The following HYDIN variants were observed in gnomAD, a reference collection of about 807,000 sequenced individuals.
HYDIN encodes the protein HYDIN axonemal central pair apparatus protein, also known as axonemal central pair apparatus protein HYDIN.
Under a neutral mutation model 403.9 loss-of-function variants are expected in HYDIN, and 132 were observed. That is an observed-to-expected ratio of 0.33 (90% CI 0.28 to 0.38). The LOEUF is 0.38. Among genes scored for constraint, HYDIN ranks in the 10% least tolerant of loss-of-function variants. The probability of loss-of-function intolerance (pLI) is 1.00; values close to 1 mark genes in which losing one functional copy is unlikely to be tolerated. For synonymous variants in HYDIN, 1,202 were observed against 1,891.7 expected, an observed-to-expected ratio of 0.64 and a Z score of 9.46; for missense variants, 2,827 against 5,009.5, an observed-to-expected ratio of 0.56 and a Z score of 13.15.
chr16:71,043,185 G>T (rs1275207853), intron 18 of HYDIN, among the ~76,000 whole-genome samples: 15 of 149,876 alleles, frequency 1.0e-4, no homozygotes, highest in African/African-American at 3.7e-4. Flanking sequence ...TTTTGGTTTT[G>T]ACCATGATTT....
intron 17 of HYDIN, 109 bp from the exon 18 acceptor site, chr16:71,060,765 G>A: frequency 1.3e-6 from 1 of 747,538 alleles, no homozygotes; most frequent in East Asian, 2.7e-5. Context: ...TATGAGAACT[G>A]GCACCCCTTC....
At chr16:71,229,889 C>T (rs533957878) in intron 1 of HYDIN, among the ~76,000 whole-genome samples, 104 of 152,292 alleles carry the variant, frequency 6.8e-4, no homozygotes, top group African/African-American at 2.0e-3. Context: ...ATAATCCCCA[C>T]GTGTCATGGG....
chr16:70,895,090 T>C (rs1316359862), intron 54 of HYDIN, among the ~76,000 whole-genome samples: 2 of 148,810 alleles, frequency 1.3e-5, no homozygotes, highest in Non-Finnish European at 3.0e-5. Flanking sequence ...TCTTTGTACA[T>C]GAGACTCATG....
intron 11 of HYDIN, among the ~76,000 whole-genome samples, chr16:71,089,584 A>G (rs1222435625): frequency 7.9e-5 from 12 of 152,344 alleles, no homozygotes; most frequent in African/African-American, 2.6e-4. Context: ...ATGCAGACAG[A>G]GGTCAGGAGA....
In HYDIN at chr16:70,923,632, C is replaced by T. The variant is rs2077063981; in HGVS notation, c.7159-2415G>A. Among the ~76,000 whole-genome samples the T allele has an allele frequency of 6.6e-5, 7 of 105,844 alleles. No individual in the cohort carries two copies. In the South Asian group the frequency reaches 2.4e-3, roughly 36 times the overall value. The allele number at this position is 105,844 out of a possible 152,430, so 69.4% of individuals were successfully genotyped here. ...CCTGGCTAACACGGTGAAACCCCGT[C>T]TCTACTAAAAAATACAAAAAAAAAA... is the stretch of plus-strand genomic sequence containing the variant. On this transcript the variant is annotated intron_variant, in intron 45 of 85. Transcript: ENST00000393567.
chr16:70,886,869 T>C (rs569258903), intron 58 of HYDIN, among the ~76,000 whole-genome samples: 1 of 152,298 alleles, frequency 6.6e-6, no homozygotes, highest in East Asian at 1.9e-4. Flanking sequence ...TGTGTGTTGG[T>C]AAGGATTTCT....
At chr16:71,074,193 C>A (rs1286844498) in intron 13 of HYDIN, among the ~76,000 whole-genome samples, 1 of 151,804 alleles carries the variant, frequency 6.6e-6, no homozygotes, top group East Asian at 1.9e-4. Flanking sequence ...TTAAACCCCA[C>A]ATAATATGTC....
intron 30 of HYDIN, among the ~76,000 whole-genome samples, chr16:70,976,732 A>C (rs2078899087): frequency 6.6e-6 from 1 of 152,188 alleles, no homozygotes; most frequent in African/African-American, 2.4e-5. Context: ...TCCATTTTGT[A>C]TATAATAAAT....
At chr16:70,971,237 C>G (rs1370050177) in intron 35 of HYDIN, among the ~76,000 whole-genome samples, 1 of 152,224 alleles carries the variant, frequency 6.6e-6, no homozygotes, top group African/African-American at 2.4e-5. Flanking sequence ...GGTAAAAAGA[C>G]CCCAGCTCCC....
chr16:71,045,145 G>A (rs538141308), intron 18 of HYDIN, among the ~76,000 whole-genome samples: 182 of 152,210 alleles, frequency 1.2e-3, no homozygotes, highest in Non-Finnish European at 2.1e-3. Context: ...TCTTTAGAAA[G>A]CTACTTTTAA....
At chr16:70,981,090 A>C (rs1361825673) in intron 29 of HYDIN, among the ~76,000 whole-genome samples, 4 of 151,920 alleles carry the variant, frequency 2.6e-5, no homozygotes, top group African/African-American at 9.7e-5. Context: ...GCTCGGGGAA[A>C]GACTGGGGCC....
intron 5 of HYDIN, among the ~76,000 whole-genome samples, chr16:71,175,238 TA>T (rs2144638698): frequency 6.6e-6 from 1 of 150,766 alleles, no homozygotes; most frequent in South Asian, 2.1e-4. Flanking sequence ...ACCATACTAC[TA>T]ATACCAATAC....
At position 70,874,801 on chromosome 16, in the gene HYDIN, C is replaced by A. The variant is rs1173174544; in HGVS notation, c.10660+16G>T. On this transcript the variant is annotated intron_variant, in intron 63 of 85. Transcript: ENST00000393567. ...TGAGATCCATTGCCCTCTAGAAGCACCCTCCCCACACTTACCTTTTACATG... is the reference window on the plus strand; with the variant it reads ...TGAGATCCATTGCCCTCTAGAAGCAACCTCCCCACACTTACCTTTTACATG... The A allele has an allele frequency of 6.2e-7, 1 of 1,610,130 alleles. No homozygotes were observed. The highest frequency in any genetic ancestry group is 8.5e-7 in the Non-Finnish European group (1 of 1,178,114).
chr16:71,176,678 T>C (rs140226198), intron 4 of HYDIN, among the ~76,000 whole-genome samples: 226 of 152,278 alleles, frequency 1.5e-3, no homozygotes, highest in African/African-American at 5.1e-3. Flanking sequence ...CAGAGCAGTC[T>C]CAGAGCAGCT....
At chr16:70,907,225 A>T in intron 50 of HYDIN, 147 bp downstream of exon 50, 1 of 602,282 alleles carries the variant, frequency 1.7e-6, no homozygotes, top group Non-Finnish European at 3.0e-6. Context: ...GTTGGGACAC[A>T]AGAACCCAGT....
chr16:70,979,147 G>C (rs1310945336), intron 29 of HYDIN, 106 bp from the exon 30 acceptor site: 23 of 1,220,940 alleles, frequency 1.9e-5, no homozygotes, highest in Non-Finnish European at 2.1e-5. Flanking sequence ...GGTAAGGTGG[G>C]AAGGGAAGTG....
Position 70,941,766 on chromosome 16 carries a change from A to G in HYDIN, c.6723T>C (p.Ala2241=). The G allele has an allele frequency of 3.2e-6, 5 of 1,584,974 alleles. No individual in the cohort carries two copies. Among genetic ancestry groups the G allele is most frequent in the Non-Finnish European group, 4.3e-6 (5 of 1,167,126 alleles). ...VVFDGLDTLF[A]QNAAAALLCL... ...AGAGGAGGGCGGCTGCAGCATTCTGAGCAAAGAGAGTGTCGAGGCCATCAA... is the reference window on the plus strand; with the variant it reads ...AGAGGAGGGCGGCTGCAGCATTCTGGGCAAAGAGAGTGTCGAGGCCATCAA... The change falls in exon 43 of 86, where the codon GCT becomes GCC. Residue 2241 remains alanine (A), a synonymous_variant. Transcript: ENST00000393567.
intron 18 of HYDIN, among the ~76,000 whole-genome samples, chr16:71,048,854 C>T (rs1418811943): frequency 6.6e-6 from 1 of 152,116 alleles, no homozygotes; most frequent in Non-Finnish European, 1.5e-5. Flanking sequence ...TGCACATGTA[C>T]CCCTGAATCT....
At chr16:71,184,667 A>G (rs1051943019) in intron 3 of HYDIN, among the ~76,000 whole-genome samples, 198 bp downstream of exon 3, 7 of 152,190 alleles carry the variant, frequency 4.6e-5, no homozygotes, top group African/African-American at 1.7e-4. Flanking sequence ...GTCAAAAGTT[A>G]TTTTAAAAGA....
Sources: allele counts gnomAD v4.1 joint callset (sites outside exome capture counted in the v4.1 genomes callset), GRCh38; gene constraint gnomAD v4.1.1; transcripts MANE v1.5; gene names NCBI Gene and HGNC (gene_info 2026-07-23, HGNC 2026-07-21).